Variants in ZC3H3 observed in about 807,000 individuals in gnomAD.
ZC3H3 encodes the protein zinc finger CCCH-type containing 3, also known as zinc finger CCCH domain-containing protein 3.
A neutral mutation model predicts 77.3 loss-of-function variants in ZC3H3; 36 were observed. That is an observed-to-expected ratio of 0.47 (90% CI 0.36 to 0.61). The LOEUF (loss-of-function observed/expected upper bound fraction) is 0.61. ZC3H3 is among the 20% of genes least tolerant of loss of function. The pLI, the probability that ZC3H3 is intolerant of heterozygous loss-of-function variation, is 0.00. For synonymous variants in ZC3H3, 626 were observed against 555.2 expected (o/e 1.13, Z -1.79); for missense variants, 1,331 against 1,312.2 (o/e 1.01, Z -0.22).
intron 3 of ZC3H3, among the ~76,000 whole-genome samples, chr8:143,516,918 T>C (rs1350497270): frequency 6.6e-6 from 1 of 152,198 alleles, no homozygotes; most frequent in Non-Finnish European, 1.5e-5. Flanking sequence ...TCTGAGGAGT[T>C]TGGGCAGCTC....
At chr8:143,506,526 G>A (rs563174476) in intron 4 of ZC3H3, among the ~76,000 whole-genome samples, 1 of 152,302 alleles carries the variant, frequency 6.6e-6, no homozygotes, top group East Asian at 1.9e-4. Context: ...TATGGAAATA[G>A]CAGGTGTAAA....
intron 9 of ZC3H3, among the ~76,000 whole-genome samples, chr8:143,444,341 T>A (rs1259910443): frequency 1.3e-5 from 2 of 152,072 alleles, no homozygotes; most frequent in African/African-American, 4.8e-5. Flanking sequence ...GTCCACTGTA[T>A]AGAAAAACAC....
intron 9 of ZC3H3, among the ~76,000 whole-genome samples, chr8:143,451,995 C>CCCCA (rs200250338): frequency 0.011 from 1,687 of 152,278 alleles, 35 homozygotes; most frequent in African/African-American, 0.039. Flanking sequence ...CTGCTTCCTG[C>CCCCA]CCCATCCAAG....
intron 9 of ZC3H3, among the ~76,000 whole-genome samples, chr8:143,456,780 A>G (rs1820133827): frequency 6.6e-6 from 1 of 152,168 alleles, no homozygotes; most frequent in Non-Finnish European, 1.5e-5. Context: ...AGGTGGGAGG[A>G]TCGCTGGAGC....
At chr8:143,454,384 C>T (rs942323739) in intron 9 of ZC3H3, among the ~76,000 whole-genome samples, 9 of 151,392 alleles carry the variant, frequency 5.9e-5, no homozygotes, top group South Asian at 2.1e-4. Context: ...AGCCATCGTG[C>T]CTGGCCAACA....
chr8:143,467,189 C>T (rs1162982014), intron 8 of ZC3H3, among the ~76,000 whole-genome samples: 3 of 152,140 alleles, frequency 2.0e-5, no homozygotes. Context: ...CCCAAATTAG[C>T]TCTAATAAAA....
At chr8:143,503,985 G>A (rs1404816755) in intron 4 of ZC3H3, among the ~76,000 whole-genome samples, 1 of 152,240 alleles carries the variant, frequency 6.6e-6, no homozygotes, top group Non-Finnish European at 1.5e-5. Context: ...AATTAGGAGG[G>A]GGAGAGAGAG....
rs760146954 is a variant in ZC3H3, at chr8:143,538,518, G to C, written c.849C>G (p.Ala283=). The change falls in exon 2 of 12, where the codon GCC becomes GCG. Residue 283 remains alanine, a synonymous_variant. Transcript: ENST00000262577. ...CCTGCCTGGGTCCTGAGGCCGGTCT[G>C]GCGGGGCCCCCCACTGAGCCAGACG... ...PVPSGSVGGP[A]RPASGPRQAR... is the part of the protein sequence containing the mutation. The C allele has an allele frequency of 4.3e-5, 69 of 1,612,356 alleles. No individual in the cohort carries two copies. The highest frequency in any genetic ancestry group is 5.2e-5 in the Non-Finnish European group (61 of 1,180,036).
chr8:143,517,308 G>T (rs1188265410), intron 3 of ZC3H3, among the ~76,000 whole-genome samples: 2 of 152,184 alleles, frequency 1.3e-5, no homozygotes, highest in Non-Finnish European at 2.9e-5. Context: ...GGGAAGGGAG[G>T]GGGCCTCCCT....
intron 8 of ZC3H3, 73 bp downstream of exon 8, chr8:143,468,136 T>C: frequency 6.5e-7 from 1 of 1,538,232 alleles, no homozygotes; most frequent in Non-Finnish European, 8.9e-7. Context: ...GTGGGCACCA[T>C]CTGCCCGGAG....
At chr8:143,529,253 GGGGACAGA>G (rs748603198) in intron 3 of ZC3H3, among the ~76,000 whole-genome samples, 5 of 152,196 alleles carry the variant, frequency 3.3e-5, no homozygotes, top group Non-Finnish European at 4.4e-5. Flanking sequence ...AGAAGCCGCT[GGGGACAGA>G]GGGACAGAGG....
intron 3 of ZC3H3, among the ~76,000 whole-genome samples, chr8:143,515,168 G>A (rs1296021142): frequency 2.0e-5 from 3 of 152,210 alleles, no homozygotes; most frequent in African/African-American, 7.2e-5. Flanking sequence ...TCCCCGATCC[G>A]GAAGCCCAGC....
At chr8:143,496,677 G>T (rs747753377) in intron 4 of ZC3H3, among the ~76,000 whole-genome samples, 1 of 152,086 alleles carries the variant, frequency 6.6e-6, no homozygotes, top group Non-Finnish European at 1.5e-5. Context: ...CAGAAGTCCG[G>T]TAAGAAACAG....
intron 4 of ZC3H3, among the ~76,000 whole-genome samples, chr8:143,497,978 C>G (rs529454841): frequency 6.6e-6 from 1 of 152,342 alleles, no homozygotes; most frequent in Admixed American, 6.5e-5. Flanking sequence ...AAAGCCTGTC[C>G]CTAAGTCCCC....
Position 143,530,240 on chromosome 8 carries a change from C to T in ZC3H3, c.1561+6017G>A, listed in dbSNP as rs1361544596. Among the ~76,000 whole-genome samples the T allele has an allele frequency of 6.6e-6, 1 of 152,126 alleles. No homozygotes were observed. The highest frequency in any genetic ancestry group is 1.5e-5 in the Non-Finnish European group (1 of 68,012). On this transcript the variant is annotated intron_variant, in intron 3 of 11. Transcript: ENST00000262577. The surrounding 1 kb of genome is among the most constrained non-coding windows in gnomAD (Gnocchi z 4.3). ...TGCCCAGGACCTGCCAGGCCCGCAC[C>T]CTCCACCAGCACACTGGCGACAAGT... is the stretch of plus-strand genomic sequence containing the variant.
At chr8:143,438,213 CA>C (rs1359150462) in intron 11 of ZC3H3, 126 bp from the exon 12 acceptor site, 1 of 1,210,868 alleles carries the variant, frequency 8.3e-7, no homozygotes, top group Non-Finnish European at 1.2e-6. Flanking sequence ...GCAAGGTCTG[CA>C]GAGATACCCT....
chr8:143,523,743 G>A (rs556541025), intron 3 of ZC3H3, among the ~76,000 whole-genome samples: 9 of 152,346 alleles, frequency 5.9e-5, no homozygotes, highest in Non-Finnish European at 1.2e-4. Context: ...CCGAGATAAC[G>A]GAGAGGGCAA....
intron 9 of ZC3H3, among the ~76,000 whole-genome samples, chr8:143,464,904 G>A (rs192914171): frequency 6.6e-6 from 1 of 152,284 alleles, no homozygotes; most frequent in Non-Finnish European, 1.5e-5. Flanking sequence ...GGCGGGGAGA[G>A]AAACAGGCGT....
At chr8:143,511,048 G>A (rs778046683) in intron 3 of ZC3H3, among the ~76,000 whole-genome samples, 8 of 152,222 alleles carry the variant, frequency 5.3e-5, no homozygotes, top group Non-Finnish European at 4.4e-5. Context: ...CAAAGAAACT[G>A]CTGGCATCAT....
Sources: allele counts gnomAD v4.1 joint callset (sites outside exome capture counted in the v4.1 genomes callset), GRCh38; gene constraint gnomAD v4.1.1; non-coding constraint Gnocchi (gnomAD v3.1); transcripts MANE v1.5; gene names NCBI Gene and HGNC (gene_info 2026-07-23, HGNC 2026-07-21).